SLCO1B1: variants seen among roughly 807,000 people sequenced by gnomAD.
SLCO1B1 encodes solute carrier organic anion transporter family member 1B1.
A neutral mutation model predicts 70.1 loss-of-function variants in SLCO1B1; 81 were observed. The observed-to-expected ratio is 1.16, with a 90% CI of 0.97 to 1.39. The LOEUF (loss-of-function observed/expected upper bound fraction) is 1.39, where lower values mean the gene tolerates loss of function less well. SLCO1B1 is among the 40% of genes most tolerant of loss of function. The pLI is 0.00. For missense variants in SLCO1B1, 895 were observed against 799.6 expected (o/e 1.12, Z -1.44); for synonymous variants, 283 against 271.5 (o/e 1.04, Z -0.42).
At chr12:21,183,681 A>T (rs1940931100) in intron 7 of SLCO1B1, among the ~76,000 whole-genome samples, 1 of 152,216 alleles carries the variant, frequency 6.6e-6, no homozygotes, top group Non-Finnish European at 1.5e-5. Flanking sequence ...CTGGCAATTC[A>T]AAAAGTAAGA....
At chr12:21,163,254 C>G (rs1940644050) in intron 2 of SLCO1B1, among the ~76,000 whole-genome samples, 1 of 151,824 alleles carries the variant, frequency 6.6e-6, no homozygotes, top group Non-Finnish European at 1.5e-5. Flanking sequence ...ACATTGTTTT[C>G]TTTATATCAA....
chr12:21,200,463 T>C (rs771178046), intron 8 of SLCO1B1, 45 bp from the exon 9 acceptor site: 2 of 1,300,126 alleles, frequency 1.5e-6, no homozygotes, highest in South Asian at 2.9e-5. Context: ...TAAATGTATA[T>C]TTAAGTTGCA....
chr12:21,145,473 A>ATTTTTTTTTT (rs35334634), intron 2 of SLCO1B1, among the ~76,000 whole-genome samples: 9 of 76,102 alleles, frequency 1.2e-4, no homozygotes, highest in Admixed American at 2.2e-4. Flanking sequence ...CATTTTTTTC[A>ATTTTTTTTTT]TTTTTTTTTT....
chr12:21,178,687 AT>A lies in SLCO1B1; in HGVS notation c.596del (p.Phe199SerfsTer11), dbSNP rs753740379. On this transcript the variant is annotated frameshift_variant, in exon 6 of 15. Transcript: ENST00000256958. LOFTEE classifies it high-confidence loss of function. Reference protein sequence around the residue: ...IVPLGLSYIDDFAKEGHSSLY... With the variant: ...IVPLGLSYIDXFAKEGHSSLY... ...CCATTGGGGCTTTCTTACATTGATG[AT>A]TTCGCTAAAGAAGGACATTCTTCTT... The A allele has an allele frequency of 1.2e-6, 2 of 1,607,190 alleles. No homozygotes were observed. The highest frequency in any genetic ancestry group is 4.5e-5 in the East Asian group (2 of 44,778).
chr12:21,216,115 A>G (rs190666335), intron 11 of SLCO1B1, among the ~76,000 whole-genome samples: 1 of 152,244 alleles, frequency 6.6e-6, no homozygotes, highest in Admixed American at 6.5e-5. Context: ...TTTGGGGACT[A>G]TTGCAAAGTT....
chr12:21,197,050 T>G lies in SLCO1B1; in HGVS notation c.832T>G (p.Phe278Val), dbSNP rs1941101129. The change falls in exon 8 of 15, where the codon TTC becomes GTC. Residue 278 changes from phenylalanine to valine, a missense_variant. Phe to Val is a conservative substitution (Grantham distance 50, BLOSUM62 -1). Coordinates refer to ENST00000256958, the MANE Select transcript of SLCO1B1 (RefSeq NM_006446.5). ...CATTATTTCTTCCATACCATTCTTT[T>G]TCTTGCCCCAAACTCCAAATAAACC... is the stretch of plus-strand genomic sequence containing the variant. Reference protein sequence around the residue: ...FSIISSIPFFFLPQTPNKPQK... With the variant: ...FSIISSIPFFVLPQTPNKPQK... 2 of 1,613,692 alleles carry G rather than the reference T, an allele frequency of 1.2e-6. No homozygotes were observed. The highest frequency in any genetic ancestry group is 1.7e-6 in the Non-Finnish European group (2 of 1,179,796).
intron 14 of SLCO1B1, among the ~76,000 whole-genome samples, chr12:21,229,165 A>G (rs1941508853): frequency 6.6e-6 from 1 of 152,154 alleles, no homozygotes; most frequent in Non-Finnish European, 1.5e-5. Context: ...CCACACATGC[A>G]TAGCCTATCC....
intron 13 of SLCO1B1, among the ~76,000 whole-genome samples, chr12:21,222,582 G>A (rs1488990627): frequency 6.6e-6 from 1 of 151,410 alleles, no homozygotes; most frequent in African/African-American, 2.4e-5. Flanking sequence ...AAAATTGAGT[G>A]ATGGACCTAA....
chr12:21,172,369 A>C (rs1940766224), intron 2 of SLCO1B1, among the ~76,000 whole-genome samples: 1 of 152,212 alleles, frequency 6.6e-6, no homozygotes, highest in Admixed American at 6.5e-5. Context: ...GCTTTCTATA[A>C]ATCAGTTAAT....
chr12:21,149,688 C>G (rs1176435692), intron 2 of SLCO1B1, among the ~76,000 whole-genome samples: 1 of 152,160 alleles, frequency 6.6e-6, no homozygotes, highest in Non-Finnish European at 1.5e-5. Context: ...CTATGCTTTT[C>G]CCAGTCTTTG....
chr12:21,226,174 G>A (rs1026939567), intron 14 of SLCO1B1, among the ~76,000 whole-genome samples: 3 of 152,116 alleles, frequency 2.0e-5, no homozygotes, highest in African/African-American at 7.2e-5. Flanking sequence ...AGGCACTTTG[G>A]GAGGCCAAGG....
chr12:21,131,654 G>A (rs529144397), intron 1 of SLCO1B1, among the ~76,000 whole-genome samples: 1 of 151,546 alleles, frequency 6.6e-6, no homozygotes, highest in East Asian at 2.0e-4. Context: ...GCAGCCAAGG[G>A]TGGGAGTAGA....
chr12:21,190,926 A>G (rs2121129327), intron 7 of SLCO1B1, among the ~76,000 whole-genome samples: 1 of 152,102 alleles, frequency 6.6e-6, no homozygotes, highest in Middle Eastern at 3.4e-3. Flanking sequence ...TATATAAATG[A>G]TTTATAATAT....
At chr12:21,180,551 C>A (rs1281299128) in intron 7 of SLCO1B1, among the ~76,000 whole-genome samples, 5 of 152,114 alleles carry the variant, frequency 3.3e-5, no homozygotes, top group African/African-American at 1.2e-4. Flanking sequence ...TGATTTTCCA[C>A]CTCATTAGGC....
intron 3 of SLCO1B1, among the ~76,000 whole-genome samples, chr12:21,174,248 TAAAG>T: frequency 6.6e-6 from 1 of 152,266 alleles, no homozygotes; most frequent in South Asian, 2.1e-4. Context: ...TAAGAATAAA[TAAAG>T]AAACGCATGA....
At chr12:21,136,601 C>A (rs186463914) in intron 1 of SLCO1B1, among the ~76,000 whole-genome samples, 27 of 152,286 alleles carry the variant, frequency 1.8e-4, no homozygotes, top group African/African-American at 5.3e-4. Context: ...TCACTGATAA[C>A]CTTTCTTCCA....
chr12:21,205,718 C>A, intron 10 of SLCO1B1, 150 bp from the exon 11 acceptor site: 1 of 608,032 alleles, frequency 1.6e-6, no homozygotes, highest in Non-Finnish European at 2.8e-6. Flanking sequence ...TCGTCATCAT[C>A]AAAGCAAATT....
At chr12:21,234,558 G>A (rs1015931316) in intron 14 of SLCO1B1, among the ~76,000 whole-genome samples, 1 of 151,870 alleles carries the variant, frequency 6.6e-6, no homozygotes, top group African/African-American at 2.4e-5. Flanking sequence ...GAATTAGTTC[G>A]GCTTACACCC....
chr12:21,165,749 A>G (rs1940676034), intron 2 of SLCO1B1, among the ~76,000 whole-genome samples: 1 of 152,122 alleles, frequency 6.6e-6, no homozygotes, highest in East Asian at 1.9e-4. Context: ...GAGAATACAA[A>G]GAGAAGTTAG....
Sources: allele counts gnomAD v4.1 joint callset (sites outside exome capture counted in the v4.1 genomes callset), GRCh38; gene constraint gnomAD v4.1.1; transcripts MANE v1.5; gene names NCBI Gene and HGNC (gene_info 2026-07-23, HGNC 2026-07-21).